SDS: variants seen among roughly 807,000 people sequenced by gnomAD.
The protein encoded by SDS is serine dehydratase.
Under a neutral mutation model 29.3 loss-of-function variants are expected in SDS, and 19 were observed. The ratio of observed to expected loss-of-function variants is 0.65; its 90% confidence interval spans 0.45 to 0.95. SDS has a LOEUF of 0.95. Ranked by LOEUF, SDS falls within the 40% of genes least tolerant of loss-of-function variation. The pLI is 0.00. For synonymous variants in SDS, 176 were observed against 189.0 expected (o/e 0.93, Z 0.56); for missense variants, 375 against 439.9 (o/e 0.85, Z 1.32).
intron 6 of SDS, 21 bp from the exon 7 acceptor site, chr12:113,394,037 G>A (rs1957629558): frequency 6.2e-7 from 1 of 1,613,652 alleles, no homozygotes; most frequent in Non-Finnish European, 8.5e-7. Context: ...TGGGAACCCA[G>A]AAGAGGATGG....
In SDS at chr12:113,392,698, C is replaced by T. The variant is rs1296487021; in HGVS notation, c.*243G>A. The stretch of plus-strand genomic sequence containing the variant: ...TGGTGTGTTACTTGTGGGCACTTGT[C>T]ACGCCAGCAAGTTGGCTAAGGATGG... On this transcript the variant is annotated 3_prime_UTR_variant, in exon 8 of 8. Transcript: ENST00000257549. The T allele has an allele frequency of 3.9e-6, 2 of 510,350 alleles. No homozygotes were observed. Among genetic ancestry groups the T allele is most frequent in the Non-Finnish European group, 7.0e-6 (2 of 287,644 alleles). The allele number at this position is 510,350 out of a possible 1,614,324, so 31.6% of individuals were successfully genotyped here.
At chr12:113,393,763 C>A (rs1436513494) in intron 7 of SDS, 129 bp downstream of exon 7, 8 of 1,240,116 alleles carry the variant, frequency 6.5e-6, no homozygotes, top group African/African-American at 1.5e-5. Flanking sequence ...ATGGAAAATT[C>A]TAGGCAGAGG....
At chr12:113,396,611 C>A (rs1593297723) in intron 6 of SDS, 2 of 128,018 alleles carry the variant, frequency 1.6e-5, no homozygotes, top group Non-Finnish European at 3.3e-5. Context: ...CCCTCCCTTC[C>A]TCCCTCCCTC....
At chr12:113,401,043 G>A (rs936724745) in intron 1 of SDS, among the ~76,000 whole-genome samples, 2 of 152,144 alleles carry the variant, frequency 1.3e-5, no homozygotes, top group African/African-American at 4.8e-5. Context: ...GAACCCGGGA[G>A]GCGGAGCTTG....
chr12:113,394,218 CAG>C (rs1957631033), intron 6 of SDS, among the ~76,000 whole-genome samples: 1 of 152,120 alleles, frequency 6.6e-6, no homozygotes, highest in Non-Finnish European at 1.5e-5. Context: ...TAATAAGGTG[CAG>C]AGTGTTTGAA....
intron 5 of SDS, among the ~76,000 whole-genome samples, chr12:113,398,277 G>A (rs1957660827): frequency 6.6e-6 from 1 of 152,040 alleles, no homozygotes; most frequent in African/African-American, 2.4e-5. Flanking sequence ...CCCCATGTTG[G>A]CCAGACTGGT....
At chr12:113,400,973 G>A (rs954510755) in intron 1 of SDS, among the ~76,000 whole-genome samples, 3 of 152,118 alleles carry the variant, frequency 2.0e-5, no homozygotes, top group African/African-American at 4.8e-5. Context: ...CTAACATGGT[G>A]AAACCCCGTC....
chr12:113,395,474 T>A (rs1957638831), intron 6 of SDS, among the ~76,000 whole-genome samples: 1 of 152,210 alleles, frequency 6.6e-6, no homozygotes, highest in Non-Finnish European at 1.5e-5. Flanking sequence ...TAGCTGCACT[T>A]ATGGGCACCT....
chr12:113,393,260 T>C (rs1957622651), intron 7 of SDS, 111 bp from the exon 8 acceptor site: 1 of 1,061,764 alleles, frequency 9.4e-7, no homozygotes, highest in Non-Finnish European at 1.4e-6. Context: ...CTCTCAGCCC[T>C]GGCTGCAGCC....
chr12:113,399,039 AGG>A, intron 3 of SDS, 71 bp downstream of exon 3: 1 of 1,591,126 alleles, frequency 6.3e-7, no homozygotes, highest in South Asian at 1.1e-5. Flanking sequence ...TGGGGAAACC[AGG>A]GCTCAGAGAA....
At chr12:113,399,833 G>A (rs1481017991) in intron 1 of SDS, 123 bp from the exon 2 acceptor site, 23 of 978,806 alleles carry the variant, frequency 2.3e-5, no homozygotes, top group Non-Finnish European at 3.3e-5. Context: ...AGAGCATCCT[G>A]GAGACCTGGG....
chr12:113,396,609 T>TCCTC (rs1213014514), intron 6 of SDS: 1 of 85,480 alleles, frequency 1.2e-5, no homozygotes, highest in Admixed American at 1.5e-4. Flanking sequence ...TTCCCTCCCT[T>TCCTC]CCTCCCTCCC....
intron 6 of SDS, among the ~76,000 whole-genome samples, chr12:113,394,220 G>C (rs1388940705): frequency 6.6e-6 from 1 of 152,164 alleles, no homozygotes; most frequent in Non-Finnish European, 1.5e-5. Context: ...ATAAGGTGCA[G>C]AGTGTTTGAA....
chr12:113,401,074 A>G (rs1255974457), intron 1 of SDS, among the ~76,000 whole-genome samples: 1 of 152,100 alleles, frequency 6.6e-6, no homozygotes, highest in Non-Finnish European at 1.5e-5. Flanking sequence ...AGATCGCGCC[A>G]CTGCACTCCA....
intron 6 of SDS, among the ~76,000 whole-genome samples, chr12:113,396,366 TTC>T (rs1280579278): frequency 3.8e-4 from 56 of 148,290 alleles, no homozygotes; most frequent in African/African-American, 1.3e-3. Context: ...TTTCCTTTCT[TTC>T]TCTTTCTCTC....
At position 113,393,166 on chromosome 12, in the gene SDS, G is replaced by A; in HGVS notation, c.779-17C>T. 4 of 1,611,952 alleles carry A rather than the reference G, an allele frequency of 2.5e-6. No individual in the cohort carries two copies. Among genetic ancestry groups the A allele is most frequent in the Non-Finnish European group, 3.4e-6 (4 of 1,179,070 alleles). ...TCTCATCATCTGCCAGAGAAGGGGC[G>A]TGACAGGGGCGTGGCCTGAGTTTCC... On this transcript the variant is annotated splice_polypyrimidine_tract_variant and intron_variant, in intron 7 of 7. Coordinates refer to ENST00000257549, the MANE Select transcript of SDS (RefSeq NM_006843.3).
chr12:113,401,754 G>A lies in SDS; in HGVS notation c.-3+2014C>T, dbSNP rs1053192685. 7.9e-5 allele frequency among the ~76,000 whole-genome samples: 12 copies of A among 152,104 alleles called. No homozygotes were observed. In the South Asian group the frequency reaches 1.7e-3, roughly 21 times the overall value. On this transcript the variant is annotated intron_variant, in intron 1 of 7. Transcript: ENST00000257549. ...GGGGATGAAGCAGCTGGGGTGGCCC[G>A]GGGTCTAGCCACAGCCACGTCCACC...
chr12:113,392,588 A>C lies in SDS; in HGVS notation c.*353T>G. On this transcript the variant is annotated 3_prime_UTR_variant, in exon 8 of 8. Transcript: ENST00000257549. ...GTGGCCCTGTTGACCTTCACTGGGAACAAGTTCAGGGGCGAGGTCACAGCT... is the reference window on the plus strand; with the variant it reads ...GTGGCCCTGTTGACCTTCACTGGGACCAAGTTCAGGGGCGAGGTCACAGCT... 3.8e-6 allele frequency: 1 copy of C among 263,362 alleles called. No homozygotes were observed. Among genetic ancestry groups the C allele is most frequent in the Non-Finnish European group, 7.2e-6 (1 of 139,148 alleles). The allele number at this position is 263,362 out of a possible 1,614,324, so 16.3% of individuals were successfully genotyped here.
Position 113,398,697 on chromosome 12 carries a change from C to T in SDS, c.333+10G>A, listed in dbSNP as rs373918562. ...GCCCTCTCTCTTCCTTGCCCTGGGT[C>T]GGCACTCACCTCACCCACCACCTTG... is the stretch of plus-strand genomic sequence containing the variant. On this transcript the variant is annotated intron_variant, in intron 4 of 7. Transcript: ENST00000257549. 1.2e-5 allele frequency: 20 copies of T among 1,613,254 alleles called. No homozygotes were observed. The highest frequency in any genetic ancestry group is 8.9e-5 in the East Asian group (4 of 44,884).
Sources: gnomAD v4.1 joint callset for allele counts (sites outside exome capture counted in the v4.1 genomes callset) on GRCh38, gnomAD v4.1.1 for gene constraint, MANE v1.5 for transcripts, NCBI Gene and HGNC (gene_info 2026-07-23, HGNC 2026-07-21) for gene names.